Variants in DNAI7 observed in about 807,000 individuals in gnomAD.
DNAI7 encodes cancer susceptibility 1.
Under a neutral mutation model 86.6 loss-of-function variants are expected in DNAI7, and 78 were observed. The observed-to-expected ratio is 0.90, with a 90% confidence interval of 0.75 to 1.09. The LOEUF is 1.09. Ranked by LOEUF, DNAI7 falls within the 50% of genes least tolerant of loss-of-function variation. DNAI7 has a pLI of 0.00. For synonymous variants in DNAI7, 274 were observed against 273.0 expected (o/e 1.00, Z -0.04); for missense variants, 753 against 810.2 (o/e 0.93, Z 0.86).
chr12:25,151,312 C>T (rs781732185), intron 6 of DNAI7, among the ~76,000 whole-genome samples: 1 of 152,088 alleles, frequency 6.6e-6, no homozygotes, highest in Non-Finnish European at 1.5e-5. Context: ...ATAGATTAAG[C>T]ACTATATAAG....
chr12:25,115,474 C>T lies in DNAI7; in HGVS notation c.1397-604G>A, dbSNP rs1001898674. Among the ~76,000 whole-genome samples, 121 of 152,036 alleles carry T rather than the reference C, an allele frequency of 8.0e-4. 1 individual carries two copies. Among genetic ancestry groups the T allele is most frequent in the Non-Finnish European group, 2.5e-4 (17 of 68,026 alleles). Reference sequence around the variant, plus strand: ...TTCCTGTAGGTGGTCTTTTGTATCTCTTACAACTCAATAATAAAACACAAC... The same window carrying T: ...TTCCTGTAGGTGGTCTTTTGTATCTTTTACAACTCAATAATAAAACACAAC... On this transcript the variant is annotated intron_variant, in intron 12 of 15. Transcript: ENST00000395987.
chr12:25,149,851 C>T, intron 6 of DNAI7, 77 bp from the exon 7 acceptor site: 1 of 833,742 alleles, frequency 1.2e-6, no homozygotes, highest in Admixed American at 2.8e-5. Flanking sequence ...TGTTTTATCC[C>T]TTTTGAATTG....
rs762164464 is a variant in DNAI7 at position 25,154,379 on chromosome 12, C to CAATG, written c.377_378insCATT (p.Trp126CysfsTer8). ...CAAAAGTCTCATTTGTTTTCTCTTT[C>CAATG]CACAAACTAATAAACGTGTTCATTT... On this transcript the variant is annotated frameshift_variant, in exon 6 of 16. Transcript: ENST00000395987. LOFTEE classifies it high-confidence loss of function. 3.1e-6 allele frequency: 5 copies of CAATG among 1,611,576 alleles called. No homozygotes were observed. The South Asian group carries it at 3.3e-5, about 11-fold the overall frequency.
At chr12:25,192,833 C>CAAAAAAAAAAAAAAAAAAAAAAAAAAAA (rs34334672) in intron 1 of DNAI7, 1 of 81,396 alleles carries the variant, frequency 1.2e-5, no homozygotes. Flanking sequence ...AACTCTGCCT[C>CAAAAAAAAAAAAAAAAAAAAAAAAAAAA]AAAAAAAAAA....
At chr12:25,194,988 T>C in intron 1 of DNAI7, 88 bp downstream of exon 1, 1 of 1,614,146 alleles carries the variant, frequency 6.2e-7, no homozygotes, top group Non-Finnish European at 8.5e-7. Flanking sequence ...CTGTAAAATA[T>C]GACTGGCTCT....
chr12:25,174,910 A>G (rs551457132), intron 2 of DNAI7, among the ~76,000 whole-genome samples: 1 of 151,788 alleles, frequency 6.6e-6, no homozygotes, highest in East Asian at 1.9e-4. Context: ...GAGCTAAGCT[A>G]TGAGGACACA....
Position 25,144,581 on chromosome 12 carries a change from G to A in DNAI7, c.786C>T (p.His262=). Reference sequence around the variant, plus strand: ...GGTGCAGTGCAGAAACATGATCATAGTGGGTATGCAGGAGTCGTACAGCAA... The same window carrying A: ...GGTGCAGTGCAGAAACATGATCATAATGGGTATGCAGGAGTCGTACAGCAA... ...SDIAVRLLHT[H]YDHVSALHPV... is the part of the protein sequence containing the mutation. The change falls in exon 9 of 16, where the codon CAC becomes CAT. Residue 262 remains histidine, a synonymous_variant. Coordinates refer to ENST00000395987, the MANE Select transcript of DNAI7 (RefSeq NM_018272.5). 2 of 1,613,992 alleles carry A rather than the reference G, an allele frequency of 1.2e-6. No individual in the cohort carries two copies. Among genetic ancestry groups the A allele is most frequent in the Admixed American group, 1.7e-5 (1 of 60,014 alleles).
At chr12:25,123,665 C>A in intron 9 of DNAI7, among the ~76,000 whole-genome samples, 1 of 152,098 alleles carries the variant, frequency 6.6e-6, no homozygotes, top group East Asian at 1.9e-4. Context: ...CCAAAGCCTG[C>A]TTTTGGGTAA....
downstream of DNAI7, chr12:25,108,015 G>A (rs189091745): frequency 8.5e-5 from 137 of 1,614,086 alleles, no homozygotes; most frequent in Non-Finnish European, 1.2e-4. Flanking sequence ...AACATATCTT[G>A]TGGCCATTTA....
At chr12:25,139,509 A>C (rs1334141417) in intron 9 of DNAI7, among the ~76,000 whole-genome samples, 1 of 152,228 alleles carries the variant, frequency 6.6e-6, no homozygotes, top group Non-Finnish European at 1.5e-5. Flanking sequence ...AAGATAATTC[A>C]TGCAGCCATA....
At chr12:25,135,282 T>C (rs1394727269) in intron 9 of DNAI7, among the ~76,000 whole-genome samples, 1 of 152,204 alleles carries the variant, frequency 6.6e-6, no homozygotes, top group Non-Finnish European at 1.5e-5. Context: ...GAATGAAATA[T>C]AAAAGTAGAA....
At chr12:25,155,894 G>A (rs1314655956) in intron 4 of DNAI7, among the ~76,000 whole-genome samples, 2 of 152,174 alleles carry the variant, frequency 1.3e-5, no homozygotes, top group African/African-American at 4.8e-5. Flanking sequence ...CGGATCACTT[G>A]AGGTCAGGAG....
chr12:25,158,161 G>A (rs558657141), intron 4 of DNAI7, among the ~76,000 whole-genome samples: 11 of 152,086 alleles, frequency 7.2e-5, no homozygotes, highest in African/African-American at 9.6e-5. Flanking sequence ...CCCAGGAGGC[G>A]GAGCTTGCAG....
At chr12:25,150,761 C>G (rs989239333) in intron 6 of DNAI7, among the ~76,000 whole-genome samples, 2 of 152,046 alleles carry the variant, frequency 1.3e-5, no homozygotes, top group African/African-American at 2.4e-5. Context: ...CTATGTGTGA[C>G]AGCTTTCATT....
intron 9 of DNAI7, among the ~76,000 whole-genome samples, chr12:25,129,801 T>C (rs957828498): frequency 6.6e-5 from 10 of 151,908 alleles, no homozygotes; most frequent in African/African-American, 2.2e-4. Context: ...TCACTCTTAC[T>C]GCCCAGGCTG....
intron 2 of DNAI7, among the ~76,000 whole-genome samples, chr12:25,190,005 AAAAG>A (rs61676924): frequency 0.31 from 28,881 of 92,096 alleles, 3,068 homozygotes; most frequent in South Asian, 0.49. Context: ...AAAAAAAAAA[AAAAG>A]CACTTCTAAG....
At position 25,117,411 on chromosome 12, in the gene DNAI7, T is replaced by TAAGTAGATTATGTAAAAGCTCTG. The variant is rs1274543688; in HGVS notation, c.1396+1711_1396+1733dup. Among the ~76,000 whole-genome samples the TAAGTAGATTATGTAAAAGCTCTG allele has an allele frequency of 3.9e-5, 6 of 152,330 alleles. No homozygotes were observed. In the East Asian group the frequency reaches 9.6e-4, roughly 24 times the overall value. Reference sequence around the variant, plus strand: ...TGTTCCTAAATTTTCCATAACTAAATAAGTAGATTATGTAAAAGCTCTGTG... The same window carrying TAAGTAGATTATGTAAAAGCTCTG: ...TGTTCCTAAATTTTCCATAACTAAATAAGTAGATTATGTAAAAGCTCTGAAGTAGATTATGTAAAAGCTCTGTG... On this transcript the variant is annotated intron_variant, in intron 12 of 15. Coordinates refer to ENST00000395987, the MANE Select transcript of DNAI7 (RefSeq NM_018272.5).
chr12:25,155,199 G>A (rs1450311364), intron 5 of DNAI7, 112 bp downstream of exon 5: 2 of 541,456 alleles, frequency 3.7e-6, no homozygotes, highest in Non-Finnish European at 6.6e-6. Context: ...TGTCAGATGA[G>A]AGGGTTTTTT....
At chr12:25,138,386 C>A (rs2140749237) in intron 9 of DNAI7, among the ~76,000 whole-genome samples, 1 of 152,272 alleles carries the variant, frequency 6.6e-6, no homozygotes, top group Non-Finnish European at 1.5e-5. Flanking sequence ...TCACTGGAAC[C>A]CAGGAGGCAG....
Sources: gnomAD v4.1 joint callset for allele counts (sites outside exome capture counted in the v4.1 genomes callset) on GRCh38, gnomAD v4.1.1 for gene constraint, MANE v1.5 for transcripts, NCBI Gene and HGNC (gene_info 2026-07-23, HGNC 2026-07-21) for gene names.